MRPS9: variants seen among roughly 807,000 people sequenced by gnomAD.
The protein encoded by MRPS9 is small ribosomal subunit protein uS9m.
In MRPS9, 45 loss-of-function variants were observed where a neutral mutation model predicts 59.9. That is an observed-to-expected ratio of 0.75 (90% confidence interval 0.59 to 0.96). MRPS9 has a LOEUF of 0.96. Among genes scored for constraint, MRPS9 ranks in the 40% least tolerant of loss-of-function variants. The pLI is 0.00. For missense variants in MRPS9, 473 were observed against 481.1 expected (o/e 0.98, Z 0.16); for synonymous variants, 171 against 166.8 (o/e 1.03, Z -0.19).
chr2:105,048,542 C>T (rs767327955), intron 1 of MRPS9, among the ~76,000 whole-genome samples: 3 of 151,660 alleles, frequency 2.0e-5, no homozygotes, highest in Non-Finnish European at 4.4e-5. Context: ...ATATGCGAGC[C>T]CTTATTTCTG....
intron 1 of MRPS9, among the ~76,000 whole-genome samples, chr2:105,040,890 C>T (rs1194180526): frequency 2.0e-5 from 3 of 152,060 alleles, no homozygotes; most frequent in Admixed American, 6.5e-5. Flanking sequence ...AGGAAAATAG[C>T]GTCTTTAGCA....
chr2:105,038,453 C>T (rs982230437), intron 1 of MRPS9: 2 of 560,858 alleles, frequency 3.6e-6, no homozygotes, highest in African/African-American at 3.8e-5. Flanking sequence ...GGGGAACTTA[C>T]CTGAAGGTAG....
At chr2:105,079,153 T>C (rs1366788326) in intron 4 of MRPS9, among the ~76,000 whole-genome samples, 3 of 152,216 alleles carry the variant, frequency 2.0e-5, no homozygotes, top group Non-Finnish European at 2.9e-5. Context: ...TATTTACATA[T>C]TTTAAACTTC....
chr2:105,079,882 TACTC>T (rs1680293886), intron 4 of MRPS9, 97 bp from the exon 5 acceptor site: 1 of 631,564 alleles, frequency 1.6e-6, no homozygotes, highest in African/African-American at 1.9e-5. Flanking sequence ...TATTTTTTAT[TACTC>T]AATTATAAAT....
chr2:105,050,684 C>CA (rs573995097), intron 2 of MRPS9, among the ~76,000 whole-genome samples: 10 of 151,546 alleles, frequency 6.6e-5, no homozygotes, highest in Non-Finnish European at 1.2e-4. Context: ...GGGCATTTAG[C>CA]AAAAAAAATT....
At chr2:105,051,843 T>C (rs1573419625) in intron 2 of MRPS9, among the ~76,000 whole-genome samples, 2 of 152,186 alleles carry the variant, frequency 1.3e-5, no homozygotes, top group Non-Finnish European at 2.9e-5. Flanking sequence ...GGGTTTCTTA[T>C]TGCAAGTGAA....
chr2:105,056,014 T>C (rs997132875), intron 2 of MRPS9, among the ~76,000 whole-genome samples: 2 of 152,218 alleles, frequency 1.3e-5, no homozygotes, highest in African/African-American at 4.8e-5. Context: ...ATCAGGAAGT[T>C]AGATATTCCA....
intron 2 of MRPS9, among the ~76,000 whole-genome samples, chr2:105,068,809 A>G (rs1680050125): frequency 6.6e-6 from 1 of 152,164 alleles, no homozygotes; most frequent in African/African-American, 2.4e-5. Flanking sequence ...ATAGTACTTG[A>G]TTGCACAGAT....
At chr2:105,042,704 A>T (rs1679522526) in intron 1 of MRPS9, among the ~76,000 whole-genome samples, 1 of 152,164 alleles carries the variant, frequency 6.6e-6, no homozygotes, top group Non-Finnish European at 1.5e-5. Flanking sequence ...TTGTTTTCTT[A>T]TCTCATTATA....
At position 105,090,892 on chromosome 2, in the gene MRPS9, A is replaced by G. The variant is rs1374313071; in HGVS notation, c.651+897A>G. ...TCTCATTTAATGTATTATAGAAATT[A>G]ATGATTTGGAAAAGTTGCAGTTTGC... On this transcript the variant is annotated intron_variant, in intron 7 of 10. Coordinates refer to ENST00000258455, the MANE Select transcript of MRPS9 (RefSeq NM_182640.3). Among the ~76,000 whole-genome samples, 5 of 152,324 alleles carry G rather than the reference A, an allele frequency of 3.3e-5. No homozygotes were observed. The East Asian group carries it at 9.6e-4, about 29-fold the overall frequency.
In MRPS9 at chr2:105,079,290, G is replaced by A. The variant is rs77993615; in HGVS notation, c.410-693G>A. ...CAGAGAAACAACAGAGATAGTATGC[G>A]CAAAGGACACAGAGTTAGCATACAA... On this transcript the variant is annotated intron_variant, in intron 4 of 10. Transcript: ENST00000258455. Among the ~76,000 whole-genome samples the A allele has an allele frequency of 4.9e-3, 620 of 126,752 alleles. 4 individuals are homozygous for A. Among genetic ancestry groups the A allele is most frequent in the Middle Eastern group, 0.016 (4 of 250 alleles). 83.2% of individuals were successfully genotyped at this position (126,752 alleles called of 152,430 possible). A position where few individuals can be genotyped will look rare whatever the true frequency, so the allele number is the denominator to read the frequency against.
At chr2:105,045,716 T>C (rs1220203922) in intron 1 of MRPS9, among the ~76,000 whole-genome samples, 1 of 149,302 alleles carries the variant, frequency 6.7e-6, no homozygotes, top group Non-Finnish European at 1.5e-5. Context: ...AATATACCGA[T>C]GAAACATACA....
chr2:105,062,014 G>A (rs1679915776), intron 2 of MRPS9, among the ~76,000 whole-genome samples: 1 of 152,092 alleles, frequency 6.6e-6, no homozygotes. Flanking sequence ...AAGGATAGGG[G>A]GAAAACTGGA....
chr2:105,085,821 G>T (rs1270881704), intron 5 of MRPS9, among the ~76,000 whole-genome samples: 3 of 152,096 alleles, frequency 2.0e-5, no homozygotes, highest in Non-Finnish European at 4.4e-5. Flanking sequence ...GTGTAGGTGA[G>T]TCATACTAAT....
chr2:105,099,921 C>A lies in MRPS9; in HGVS notation c.*160C>A, dbSNP rs1285242463. On this transcript the variant is annotated 3_prime_UTR_variant, in exon 11 of 11. Transcript: ENST00000258455. ...TTTAAATGCTACTTTGTAAAGGTGA[C>A]CTTTAAAAAATAAAAGGAAAATAAA... 1.0e-5 allele frequency: 5 copies of A among 494,792 alleles called. No individual in the cohort carries two copies. Among genetic ancestry groups the A allele is most frequent in the African/African-American group, 2.0e-5 (1 of 51,128 alleles). The allele number at this position is 494,792 out of a possible 1,614,324, so 30.7% of individuals were successfully genotyped here.
chr2:105,059,268 G>A (rs1485922257), intron 2 of MRPS9, among the ~76,000 whole-genome samples: 1 of 152,070 alleles, frequency 6.6e-6, no homozygotes, highest in Admixed American at 6.6e-5. Flanking sequence ...TATTCCTGTG[G>A]CAGATTTTCT....
At chr2:105,093,215 A>G (rs1457717124) in intron 8 of MRPS9, among the ~76,000 whole-genome samples, 2 of 152,166 alleles carry the variant, frequency 1.3e-5, no homozygotes, top group Non-Finnish European at 1.5e-5. Flanking sequence ...GAAGAATGCT[A>G]TGTAAATTGG....
intron 5 of MRPS9, among the ~76,000 whole-genome samples, chr2:105,080,392 G>T (rs775197675): frequency 2.6e-5 from 4 of 152,208 alleles, no homozygotes; most frequent in Non-Finnish European, 2.9e-5. Flanking sequence ...GTATGATGCT[G>T]TCGGGGGCTG....
chr2:105,049,467 A>G (rs1679670113), intron 2 of MRPS9, 117 bp downstream of exon 2: 1 of 822,698 alleles, frequency 1.2e-6, no homozygotes, highest in African/African-American at 1.8e-5. Flanking sequence ...AATAAGGAAA[A>G]ATGCTGCTAT....
Sources: gnomAD v4.1 joint callset for allele counts (sites outside exome capture counted in the v4.1 genomes callset) on GRCh38, gnomAD v4.1.1 for gene constraint, MANE v1.5 for transcripts, NCBI Gene and HGNC (gene_info 2026-07-23, HGNC 2026-07-21) for gene names.